ITGB5: variants seen among roughly 807,000 people sequenced by gnomAD.
ITGB5 encodes integrin subunit beta 5.
Under a neutral mutation model 84.8 loss-of-function variants are expected in ITGB5, and 38 were observed. The observed-to-expected ratio is 0.45, with a 90% confidence interval of 0.35 to 0.59. ITGB5 has a LOEUF of 0.59. Among genes scored for constraint, ITGB5 ranks in the 20% least tolerant of loss-of-function variants. ITGB5 has a pLI of 0.01. For synonymous variants in ITGB5, 393 were observed against 414.4 expected (o/e 0.95, Z 0.63); for missense variants, 905 against 1,034.5 (o/e 0.87, Z 1.72).
chr3:124,861,655 T>C (rs2085003894), intron 2 of ITGB5, among the ~76,000 whole-genome samples: 1 of 151,134 alleles, frequency 6.6e-6, no homozygotes, highest in South Asian at 2.1e-4. Context: ...TCCGACTCCC[T>C]GGTTCAAGCA....
intron 1 of ITGB5, among the ~76,000 whole-genome samples, chr3:124,874,721 C>T (rs1242728160): frequency 2.6e-5 from 4 of 152,178 alleles, no homozygotes; most frequent in African/African-American, 7.2e-5. Flanking sequence ...GTGAACTGAT[C>T]TTCAACAAAG....
chr3:124,799,035 G>C (rs370981798), intron 9 of ITGB5, among the ~76,000 whole-genome samples: 1 of 152,210 alleles, frequency 6.6e-6, no homozygotes, highest in Non-Finnish European at 1.5e-5. Context: ...ATAGCTAGGG[G>C]AGCAGGATCA....
At chr3:124,892,967 G>C (rs1487272100) in intron 1 of ITGB5, among the ~76,000 whole-genome samples, 1 of 152,156 alleles carries the variant, frequency 6.6e-6, no homozygotes, top group African/African-American at 2.4e-5. Flanking sequence ...ATACCCCTTA[G>C]TTTAGATAAG....
At chr3:124,864,096 CTTTTTTTTTTTTTTTTTT>C (rs558311822) in intron 2 of ITGB5, among the ~76,000 whole-genome samples, 4 of 45,468 alleles carry the variant, frequency 8.8e-5, no homozygotes, top group African/African-American at 2.8e-4. Context: ...ACCTATATTT[CTTTTTTTTTTTTTTTTTT>C]TTTTTTTTTT....
rs186442120 is a variant in ITGB5, at chr3:124,762,015, A to G, written c.*1608T>C. 7.9e-5 allele frequency: 12 copies of G among 152,236 alleles called. No individual in the cohort carries two copies. Among genetic ancestry groups the G allele is most frequent in the Admixed American group, 2.0e-4 (3 of 15,288 alleles). 9.4% of individuals were successfully genotyped at this position (152,236 alleles called of 1,614,324 possible). ...CTCAACACCACAATTTATCTGTTTA[A>G]TGTTTTCATTTACATTTGGCTTTAT... On this transcript the variant is annotated 3_prime_UTR_variant, in exon 15 of 15. Transcript: ENST00000296181.
chr3:124,837,435 C>A (rs1365134963), intron 5 of ITGB5, among the ~76,000 whole-genome samples: 3 of 152,176 alleles, frequency 2.0e-5, no homozygotes, highest in African/African-American at 7.2e-5. Flanking sequence ...AACTCCAACC[C>A]AGCCAGGAAC....
intron 5 of ITGB5, among the ~76,000 whole-genome samples, chr3:124,822,277 C>T (rs988044317): frequency 6.6e-6 from 1 of 152,218 alleles, no homozygotes; most frequent in Non-Finnish European, 1.5e-5. Context: ...GAGCAAGAAA[C>T]ACTGGGATAT....
intron 5 of ITGB5, among the ~76,000 whole-genome samples, chr3:124,840,132 C>A (rs1380701813): frequency 1.3e-5 from 2 of 152,192 alleles, no homozygotes; most frequent in Admixed American, 6.5e-5. Flanking sequence ...GTGTGACACA[C>A]CAGATTCAGG....
At chr3:124,893,825 T>C (rs1177747149) in intron 1 of ITGB5, among the ~76,000 whole-genome samples, 1 of 152,166 alleles carries the variant, frequency 6.6e-6, no homozygotes, top group Non-Finnish European at 1.5e-5. Flanking sequence ...CAAACAAGTC[T>C]CGACAGAAAT....
chr3:124,839,003 G>A (rs1486790806), intron 5 of ITGB5, among the ~76,000 whole-genome samples: 2 of 152,228 alleles, frequency 1.3e-5, no homozygotes, highest in East Asian at 3.8e-4. Context: ...AGGCTGTGGT[G>A]AGCCAGGAAG....
At chr3:124,890,154 G>A (rs1042936601), upstream of ITGB5, among the ~76,000 whole-genome samples, 12 of 151,892 alleles carry the variant, frequency 7.9e-5, no homozygotes, top group Non-Finnish European at 1.8e-4. Flanking sequence ...TGGAAACTGG[G>A]TAAATACTGC....
At chr3:124,862,492 T>C (rs2065318698) in intron 2 of ITGB5, 1 of 152,264 alleles carries the variant, frequency 6.6e-6, no homozygotes, top group Non-Finnish European at 1.5e-5. Context: ...AAGGGATTTT[T>C]GATGGATACT....
At chr3:124,787,440 AGAT>A (rs2064097943) in intron 10 of ITGB5, 1 of 152,224 alleles carries the variant, frequency 6.6e-6, no homozygotes, top group Non-Finnish European at 1.5e-5. Context: ...TAGAAGCATA[AGAT>A]GATTCATGTT....
At chr3:124,776,453 C>T (rs2063928280) in intron 10 of ITGB5, among the ~76,000 whole-genome samples, 1 of 152,164 alleles carries the variant, frequency 6.6e-6, no homozygotes, top group Non-Finnish European at 1.5e-5. Context: ...AGGAAAACTT[C>T]CAAACCTGCA....
intron 5 of ITGB5, among the ~76,000 whole-genome samples, chr3:124,828,990 A>G (rs1300758963): frequency 6.6e-6 from 1 of 152,226 alleles, no homozygotes; most frequent in East Asian, 1.9e-4. Context: ...TGAGAGAATT[A>G]AAGAAGATGA....
At chr3:124,822,242 T>G (rs927647801) in intron 5 of ITGB5, among the ~76,000 whole-genome samples, 2 of 152,218 alleles carry the variant, frequency 1.3e-5, no homozygotes, top group African/African-American at 4.8e-5. Context: ...GTCATCATTT[T>G]TAGGAGCAGC....
intron 8 of ITGB5, among the ~76,000 whole-genome samples, chr3:124,814,307 G>A (rs1362695478): frequency 1.3e-5 from 2 of 151,706 alleles, no homozygotes; most frequent in Non-Finnish European, 2.9e-5. Context: ...GTGGAAGAAG[G>A]GAATTATCAA....
chr3:124,847,775 C>T (rs1380983339), intron 4 of ITGB5, among the ~76,000 whole-genome samples: 1 of 152,082 alleles, frequency 6.6e-6, no homozygotes, highest in Non-Finnish European at 1.5e-5. Flanking sequence ...CAGTTAGAGA[C>T]ACCTGTTTTC....
intron 5 of ITGB5, among the ~76,000 whole-genome samples, chr3:124,822,312 C>T (rs1467951774): frequency 2.0e-5 from 3 of 152,146 alleles, no homozygotes; most frequent in Non-Finnish European, 4.4e-5. Context: ...TAATGGTGAA[C>T]GGGCATCCCC....
Sources: allele counts gnomAD v4.1 joint callset (sites outside exome capture counted in the v4.1 genomes callset), GRCh38; gene constraint gnomAD v4.1.1; transcripts MANE v1.5; gene names NCBI Gene and HGNC (gene_info 2026-07-23, HGNC 2026-07-21).